RIMKLB: variants seen among roughly 807,000 people sequenced by gnomAD.
RIMKLB encodes the protein ribosomal modification protein rimK like family member B, also known as beta-citrylglutamate synthase B.
RIMKLB carries 7 observed loss-of-function variants against 32.0 expected under a neutral mutation model. The observed-to-expected ratio is 0.22, with a 90% CI of 0.12 to 0.41. RIMKLB has a LOEUF of 0.41. Among genes scored for constraint, RIMKLB ranks in the 10% least tolerant of loss-of-function variants. The pLI is 1.00. For synonymous variants in RIMKLB, 172 were observed against 185.1 expected, an observed-to-expected ratio of 0.93 and a Z score of 0.57; for missense variants, 289 against 498.7, an observed-to-expected ratio of 0.58 and a Z score of 4.00.
At chr12:8,681,077 C>T (rs1591586074), upstream of RIMKLB, among the ~76,000 whole-genome samples, 1 of 151,944 alleles carries the variant, frequency 6.6e-6, no homozygotes, top group South Asian at 2.1e-4. Context: ...CCTCCCACCT[C>T]AGCCTCCCAA....
At chr12:8,680,358 A>G (rs529289698), upstream of RIMKLB, among the ~76,000 whole-genome samples, 300 of 152,134 alleles carry the variant, frequency 2.0e-3, 1 homozygote, top group Non-Finnish European at 3.3e-3. Flanking sequence ...ACGGGGTTTC[A>G]CCATGTTAGC....
At position 8,754,045 on chromosome 12, in the gene RIMKLB, A is replaced by G; in HGVS notation, c.649A>G (p.Met217Val). Residue 217 changes from methionine to valine, a missense_variant, in exon 5 of 6, where the codon ATG becomes GTG. Physicochemically the swap from Met to Val is conservative, Grantham distance 21. Coordinates refer to ENST00000535829, the MANE Select transcript of RIMKLB (RefSeq NM_001297776.2). ...CGTGGGAGGCCGTGTGGTTGGCACCATGTTACGTTGTTCAACAGATGGGAG... is the reference window on the plus strand; with the variant it reads ...CGTGGGAGGCCGTGTGGTTGGCACCGTGTTACGTTGTTCAACAGATGGGAG... ...IVVGGRVVGT[M>V]LRCSTDGRMQ... The G allele has an allele frequency of 6.2e-7, 1 of 1,614,150 alleles. No individual in the cohort carries two copies. The highest frequency in any genetic ancestry group is 8.5e-7 in the Non-Finnish European group (1 of 1,179,980).
rs1555153656 is a variant in RIMKLB at position 8,715,246 on chromosome 12, T to TTTTTTTTTTG, written c.175+1205_175+1206insTTTTTTTTTG. On this transcript the variant is annotated intron_variant, in intron 2 of 5. Coordinates refer to ENST00000535829, the MANE Select transcript of RIMKLB (RefSeq NM_001297776.2). Reference sequence around the variant, plus strand: ...TCTTGTTCTTTTTTTTTTTTTTTTTTGGAGACAGGGTCTTTGTCACCAGGC... The same window carrying TTTTTTTTTTG: ...TCTTGTTCTTTTTTTTTTTTTTTTTTTTTTTTTTTGGGAGACAGGGTCTTTGTCACCAGGC... Among the ~76,000 whole-genome samples, 1,364 of 147,790 alleles carry TTTTTTTTTTG rather than the reference T, an allele frequency of 9.2e-3. 29 individuals carry two copies. Among genetic ancestry groups the TTTTTTTTTTG allele is most frequent in the African/African-American group, 0.033 (1,284 of 38,336 alleles).
intron 2 of RIMKLB, among the ~76,000 whole-genome samples, chr12:8,744,955 C>A (rs1947937986): frequency 6.6e-6 from 1 of 151,908 alleles, no homozygotes. Context: ...ATCAACTGGT[C>A]ATTTACATTA....
upstream of RIMKLB, among the ~76,000 whole-genome samples, chr12:8,692,369 A>G (rs1030986190): frequency 1.3e-5 from 2 of 152,246 alleles, no homozygotes; most frequent in African/African-American, 4.8e-5. Flanking sequence ...AAGATCATTT[A>G]GTATGCTTAT....
At chr12:8,739,666 G>A (rs1186265850) in intron 2 of RIMKLB, among the ~76,000 whole-genome samples, 7 of 152,000 alleles carry the variant, frequency 4.6e-5, no homozygotes, top group African/African-American at 1.7e-4. Flanking sequence ...TAGAGACGAG[G>A]TCACACCATG....
chr12:8,730,443 C>T (rs2137275090), intron 2 of RIMKLB, among the ~76,000 whole-genome samples: 1 of 152,258 alleles, frequency 6.6e-6, no homozygotes, highest in South Asian at 2.1e-4. Flanking sequence ...CCAGCTTGGT[C>T]ACAGGGCCTA....
At chr12:8,766,539 T>A (rs1391818642) in intron 5 of RIMKLB, among the ~76,000 whole-genome samples, 1 of 152,352 alleles carries the variant, frequency 6.6e-6, no homozygotes, top group Non-Finnish European at 1.5e-5. Flanking sequence ...TTTGATTCTG[T>A]AAGTACTTTA....
At chr12:8,675,021 A>G in the RIMKLB span, among the ~76,000 whole-genome samples, 2 of 148,280 alleles carry the variant, frequency 1.3e-5, no homozygotes, top group East Asian at 2.0e-4. Context: ...CTGCCACCAC[A>G]CCCAGCTAAT....
chr12:8,721,596 C>G (rs914280006), intron 2 of RIMKLB, among the ~76,000 whole-genome samples: 1 of 152,220 alleles, frequency 6.6e-6, no homozygotes, highest in Non-Finnish European at 1.5e-5. Context: ...AATTATAGCT[C>G]TCTTGCCATC....
chr12:8,729,382 G>A (rs1009852148), intron 2 of RIMKLB, among the ~76,000 whole-genome samples: 3 of 152,010 alleles, frequency 2.0e-5, no homozygotes, highest in Admixed American at 1.3e-4. Flanking sequence ...CTGGTGTCCA[G>A]CCAGAGGTGG....
chr12:8,771,030 G>A (rs1313813248), intron 5 of RIMKLB, among the ~76,000 whole-genome samples: 1 of 152,182 alleles, frequency 6.6e-6, no homozygotes, highest in Non-Finnish European at 1.5e-5. Context: ...GAAAGGATAT[G>A]GAGCTTCCAT....
chr12:8,710,815 AC>A (rs1360525116), intron 1 of RIMKLB, among the ~76,000 whole-genome samples: 3 of 151,998 alleles, frequency 2.0e-5, no homozygotes, highest in Non-Finnish European at 2.9e-5. Context: ...TCAGGTGAAG[AC>A]CCACTGTGCA....
At chr12:8,754,165 AT>A in intron 5 of RIMKLB, 72 bp downstream of exon 5, 2 of 1,136,294 alleles carry the variant, frequency 1.8e-6, no homozygotes, top group Middle Eastern at 2.1e-4. Flanking sequence ...ATTCATATGT[AT>A]GTAACTCTAG....
chr12:8,744,924 C>T (rs1947935396), intron 2 of RIMKLB, among the ~76,000 whole-genome samples: 1 of 151,832 alleles, frequency 6.6e-6, no homozygotes, highest in Non-Finnish European at 1.5e-5. Flanking sequence ...TATACGTGTG[C>T]CATGTTGGTT....
chr12:8,672,346 C>T, the RIMKLB span, among the ~76,000 whole-genome samples: 1 of 152,226 alleles, frequency 6.6e-6, no homozygotes, highest in African/African-American at 2.4e-5. Flanking sequence ...CAATACCCCA[C>T]TCTGTTGGTA....
intron 1 of RIMKLB, among the ~76,000 whole-genome samples, chr12:8,688,480 TGAA>T (rs1942642627): frequency 6.6e-6 from 1 of 152,160 alleles, no homozygotes; most frequent in African/African-American, 2.4e-5. Context: ...AGGAAAATTT[TGAA>T]GAAGAGCAGA....
intron 5 of RIMKLB, among the ~76,000 whole-genome samples, chr12:8,772,316 TC>T (rs1950475531): frequency 6.6e-6 from 1 of 152,258 alleles, no homozygotes; most frequent in African/African-American, 2.4e-5. Context: ...AGTTGAGTAA[TC>T]ATGTTTTTGT....
chr12:8,710,210 T>C (rs1944255187), intron 1 of RIMKLB, among the ~76,000 whole-genome samples: 1 of 151,488 alleles, frequency 6.6e-6, no homozygotes, highest in South Asian at 2.1e-4. Context: ...GCCAGGCTGG[T>C]CTTGAACTCC....
Sources: allele counts gnomAD v4.1 joint callset (sites outside exome capture counted in the v4.1 genomes callset), GRCh38; gene constraint gnomAD v4.1.1; transcripts MANE v1.5; gene names NCBI Gene and HGNC (gene_info 2026-07-23, HGNC 2026-07-21).